The following TGM6 variants were observed in gnomAD, a reference collection of about 807,000 sequenced individuals.
TGM6 encodes protein-glutamine gamma-glutamyltransferase 6.
In TGM6, 74 loss-of-function variants were observed where a neutral mutation model predicts 77.5. That is an observed-to-expected ratio of 0.96 (90% CI 0.79 to 1.16). The LOEUF (loss-of-function observed/expected upper bound fraction) is 1.16, where lower values mean the gene tolerates loss of function less well. Ranked by LOEUF, TGM6 falls within the 50% of genes most tolerant of loss-of-function variation. TGM6 has a pLI of 0.00. For missense variants in TGM6, 968 were observed against 940.2 expected (o/e 1.03, Z -0.39); for synonymous variants, 383 against 378.9 (o/e 1.01, Z -0.12).
chr20:2,386,534 G>A (rs1197778428), intron 1 of TGM6, among the ~76,000 whole-genome samples: 2 of 152,162 alleles, frequency 1.3e-5, no homozygotes, highest in Non-Finnish European at 2.9e-5. Flanking sequence ...GAAAGAGCTT[G>A]GCTCAGCAGA....
chr20:2,431,091 G>C, intron 12 of TGM6, 64 bp downstream of exon 12: 1 of 1,582,760 alleles, frequency 6.3e-7, no homozygotes, highest in Non-Finnish European at 8.6e-7. Context: ...GAGCCAGAGA[G>C]AAGTTGCCAG....
intron 12 of TGM6, among the ~76,000 whole-genome samples, chr20:2,431,383 C>G (rs746555071): frequency 6.6e-6 from 1 of 152,120 alleles, no homozygotes; most frequent in Non-Finnish European, 1.5e-5. Context: ...TTTTTTCATT[C>G]ACTTATTCCT....
At chr20:2,400,186 A>T (rs560262623) in intron 6 of TGM6, 120 bp from the exon 7 acceptor site, 218 of 1,428,108 alleles carry the variant, frequency 1.5e-4, no homozygotes, top group Non-Finnish European at 2.0e-4. Context: ...CTAGACACAC[A>T]GACAAAGATG....
intron 9 of TGM6, among the ~76,000 whole-genome samples, chr20:2,413,604 A>G (rs901955079): frequency 6.6e-6 from 1 of 152,218 alleles, no homozygotes; most frequent in African/African-American, 2.4e-5. Flanking sequence ...AGTCTTTTCA[A>G]CAAATGGTGT....
At chr20:2,401,015 G>A (rs189839443) in intron 7 of TGM6, among the ~76,000 whole-genome samples, 1 of 151,922 alleles carries the variant, frequency 6.6e-6, no homozygotes, top group Non-Finnish European at 1.5e-5. Context: ...CTCCACCCTG[G>A]TCAACATAGT....
chr20:2,414,255 T>A (rs1315603034), intron 9 of TGM6, among the ~76,000 whole-genome samples: 1 of 152,132 alleles, frequency 6.6e-6, no homozygotes, highest in East Asian at 1.9e-4. Flanking sequence ...TGGCAAAGGA[T>A]GTGAATGAAC....
At chr20:2,401,076 G>A (rs1313227521) in intron 7 of TGM6, among the ~76,000 whole-genome samples, 11 of 151,824 alleles carry the variant, frequency 7.2e-5, no homozygotes, top group African/African-American at 2.4e-4. Flanking sequence ...ATCGTGGCAG[G>A]CGCCTGTAGT....
intron 10 of TGM6, among the ~76,000 whole-genome samples, chr20:2,421,178 G>A (rs990531285): frequency 4.6e-5 from 7 of 152,218 alleles, no homozygotes; most frequent in African/African-American, 1.7e-4. Context: ...GTAAAGACAG[G>A]GTTTCACCAT....
At chr20:2,412,903 C>T (rs940438363) in intron 9 of TGM6, among the ~76,000 whole-genome samples, 2 of 152,070 alleles carry the variant, frequency 1.3e-5, no homozygotes, top group African/African-American at 4.8e-5. Context: ...AAAAGGCATC[C>T]CATTTTCATT....
Position 2,397,929 on chromosome 20 carries a change from C to T in TGM6, c.555C>T (p.Asp185=), listed in dbSNP as rs144101264. The T allele has an allele frequency of 2.4e-4, 390 of 1,614,108 alleles. 9 individuals are homozygous for T. The East Asian group carries it at 7.1e-3, about 29-fold the overall frequency. The change falls in exon 5 of 13, where the codon GAC becomes GAT. Residue 185 remains aspartate (D), a synonymous_variant. Transcript: ENST00000202625. ...QGWNYGQFEE[D]ILNICLSILD... ...TCTCTGGGGAGCAGTTTGAGGAGGA[C>T]ATCCTGAACATCTGCCTCTCCATCC... is the stretch of plus-strand genomic sequence containing the variant.
At chr20:2,392,428 T>C (rs2122340306) in intron 1 of TGM6, among the ~76,000 whole-genome samples, 1 of 152,332 alleles carries the variant, frequency 6.6e-6, no homozygotes, top group African/African-American at 2.4e-5. Context: ...TCCTTCTCCC[T>C]GATAGCATGT....
chr20:2,417,208 C>T (rs1362797506), intron 9 of TGM6, 24 bp from the exon 10 acceptor site: 1 of 1,570,828 alleles, frequency 6.4e-7, no homozygotes, highest in Non-Finnish European at 8.6e-7. Flanking sequence ...GTGCCTGCCG[C>T]TGACGTTGTG....
Position 2,381,038 on chromosome 20 carries a change from C to T in TGM6, c.7+63C>T, listed in dbSNP as rs2422753. The T allele has an allele frequency of 0.74, 1,176,406 of 1,593,926 alleles. 439,418 individuals carry two copies. The highest frequency in any genetic ancestry group is 0.9 in the African/African-American group (67,480 of 74,890). The stretch of plus-strand genomic sequence containing the variant: ...CTCATGAGGGGGGCTTCAAGAAACA[C>T]GGGTCTGTGGGATGACGTTTGATCA... On this transcript the variant is annotated intron_variant, in intron 1 of 12. Transcript: ENST00000202625.
chr20:2,407,012 C>A (rs577493559), intron 9 of TGM6, among the ~76,000 whole-genome samples: 2 of 152,192 alleles, frequency 1.3e-5, no homozygotes, highest in South Asian at 4.2e-4. Context: ...TTACCATGAG[C>A]TTTTAAGTGA....
chr20:2,390,855 G>C (rs1464325934), intron 1 of TGM6, among the ~76,000 whole-genome samples: 2 of 151,962 alleles, frequency 1.3e-5, no homozygotes, highest in African/African-American at 2.4e-5. Flanking sequence ...CCACATACAG[G>C]GAACAGCAGG....
At chr20:2,405,515 G>A (rs1445699438) in intron 9 of TGM6, among the ~76,000 whole-genome samples, 1 of 152,182 alleles carries the variant, frequency 6.6e-6, no homozygotes, top group Non-Finnish European at 1.5e-5. Context: ...GGACAGAAGA[G>A]AGCAGATGCC....
At chr20:2,381,073 A>T in intron 1 of TGM6, 98 bp downstream of exon 1, 4 of 1,498,794 alleles carry the variant, frequency 2.7e-6, no homozygotes, top group Non-Finnish European at 3.7e-6. Flanking sequence ...ATCGATTGTT[A>T]GGATTTTACA....
rs144468734 is a variant in TGM6, at chr20:2,409,220, C to T, written c.1336+5397C>T. Among the ~76,000 whole-genome samples the T allele has an allele frequency of 4.8e-3, 735 of 152,128 alleles. 4 individuals carry two copies. The highest frequency in any genetic ancestry group is 0.015 in the African/African-American group (613 of 41,476). On this transcript the variant is annotated intron_variant, in intron 9 of 12. Transcript: ENST00000202625. ...ATATGTGAAAATTAAACAATACATA[C>T]GTCTAAATATCCAGTGAGCCAAAGG...
chr20:2,405,399 T>C (rs557578041), intron 9 of TGM6, among the ~76,000 whole-genome samples: 1 of 152,356 alleles, frequency 6.6e-6, no homozygotes, highest in African/African-American at 2.4e-5. Flanking sequence ...TGAATCATAG[T>C]CTCTACGGGA....
Sources: allele counts gnomAD v4.1 joint callset (sites outside exome capture counted in the v4.1 genomes callset), GRCh38; gene constraint gnomAD v4.1.1; transcripts MANE v1.5; gene names NCBI Gene and HGNC (gene_info 2026-07-23, HGNC 2026-07-21).